Variants in GBE1 observed in about 807,000 individuals in gnomAD.
GBE1 encodes the protein 1,4-alpha-glucan branching enzyme 1, also known as 1,4-alpha-glucan-branching enzyme.
In GBE1, 70 loss-of-function variants were observed where a neutral mutation model predicts 88.8. That is an observed-to-expected ratio of 0.79 (90% CI 0.65 to 0.96). The LOEUF (loss-of-function observed/expected upper bound fraction) is 0.96, where lower values mean the gene tolerates loss of function less well. Among genes scored for constraint, GBE1 ranks in the 40% least tolerant of loss-of-function variants. The probability of loss-of-function intolerance (pLI) is 0.00; values close to 1 mark genes in which losing one functional copy is unlikely to be tolerated. For missense variants in GBE1, 872 were observed against 871.0 expected (o/e 1.00, Z -0.01); for synonymous variants, 284 against 300.1 (o/e 0.95, Z 0.56).
chr3:81,497,356 C>G (rs1370067084), intron 15 of GBE1, among the ~76,000 whole-genome samples: 1 of 152,150 alleles, frequency 6.6e-6, no homozygotes, highest in Non-Finnish European at 1.5e-5. Context: ...ATAATTGCCT[C>G]TCCATGACAA....
Position 81,705,583 on chromosome 3 carries a change from G to T in GBE1, c.174C>A (p.Asn58Lys). ...RYKQFSQILK[N>K]IGENEGGIDK... ...CAATACCACCTTCATTTTCTCCAAT[G>T]TTCTTCAAAATTTGGCTAAACTGCT... The change falls in exon 2 of 16, where the codon AAC (asparagine) becomes AAA (lysine). Residue 58 changes from asparagine (N) to lysine (K), a missense_variant. By Grantham distance (94) the Asn-to-Lys change is moderately conservative. Coordinates refer to ENST00000429644, the MANE Select transcript of GBE1 (RefSeq NM_000158.4). The T allele has an allele frequency of 6.4e-7, 1 of 1,570,186 alleles. No individual in the cohort carries two copies. Among genetic ancestry groups the T allele is most frequent in the Admixed American group, 1.9e-5 (1 of 53,500 alleles).
chr3:81,536,911 C>T lies in GBE1; in HGVS notation c.1803G>A (p.Gln601=), dbSNP rs368793136. The change falls in exon 13 of 16, where the codon CAG becomes CAA. Residue 601 remains glutamine (Q), a splice_region_variant and synonymous_variant. Coordinates refer to ENST00000429644, the MANE Select transcript of GBE1 (RefSeq NM_000158.4). ...ACAGCATCCAGAGTGAAGAGCTTAC[C>T]TGTGGAGCTGCAAGCCAACCATATC... is the stretch of plus-strand genomic sequence containing the variant. ...EERYGWLAAP[Q]AYVSEKHEGN... is the part of the protein sequence containing the mutation. 3.4e-4 allele frequency: 545 copies of T among 1,584,896 alleles called. 2 individuals are homozygous for T. The highest frequency in any genetic ancestry group is 4.6e-4 in the Non-Finnish European group (532 of 1,167,742).
At chr3:81,573,561 T>A (rs768160962) in intron 12 of GBE1, among the ~76,000 whole-genome samples, 5 of 152,236 alleles carry the variant, frequency 3.3e-5, no homozygotes, top group Non-Finnish European at 7.3e-5. Context: ...GGGCAAGAAC[T>A]ATTTTTCATC....
intron 7 of GBE1, among the ~76,000 whole-genome samples, chr3:81,623,131 G>T (rs941496069): frequency 6.6e-6 from 1 of 152,138 alleles, no homozygotes; most frequent in Admixed American, 6.6e-5. Flanking sequence ...GAAGAAAACT[G>T]AATCTCCTTA....
chr3:81,679,608 T>C (rs1396367321), intron 2 of GBE1, among the ~76,000 whole-genome samples: 1 of 152,240 alleles, frequency 6.6e-6, no homozygotes, highest in Non-Finnish European at 1.5e-5. Flanking sequence ...GAATCTTTCA[T>C]TATTGTTCTA....
intron 1 of GBE1, among the ~76,000 whole-genome samples, chr3:81,760,075 C>T (rs1207245354): frequency 1.3e-5 from 2 of 152,162 alleles, no homozygotes; most frequent in African/African-American, 4.8e-5. Flanking sequence ...CACTAAGTTT[C>T]TCTGAAAGCA....
intron 12 of GBE1, among the ~76,000 whole-genome samples, chr3:81,549,444 G>A (rs1215828461): frequency 2.6e-5 from 4 of 151,594 alleles, no homozygotes; most frequent in Admixed American, 2.0e-4. Flanking sequence ...CCAGAATGGT[G>A]TGCTTTCCTT....
chr3:81,617,337 G>A (rs760776893), intron 7 of GBE1, among the ~76,000 whole-genome samples: 20 of 151,968 alleles, frequency 1.3e-4, no homozygotes, highest in Admixed American at 3.9e-4. Flanking sequence ...GAATTTAGAC[G>A]TTAGCCACTA....
At chr3:81,552,779 T>C (rs138186015) in intron 12 of GBE1, among the ~76,000 whole-genome samples, 5 of 152,236 alleles carry the variant, frequency 3.3e-5, no homozygotes, top group African/African-American at 9.6e-5. Context: ...TTTAAATAAA[T>C]GAAATGTAAA....
At chr3:81,537,648 G>C (rs1202929322) in intron 12 of GBE1, among the ~76,000 whole-genome samples, 1 of 152,000 alleles carries the variant, frequency 6.6e-6, no homozygotes, top group Non-Finnish European at 1.5e-5. Flanking sequence ...TTAAAATCCA[G>C]TTTTTCCTAC....
intron 3 of GBE1, 21 bp from the exon 4 acceptor site, chr3:81,649,942 T>C (rs968889492): frequency 1.3e-6 from 2 of 1,587,410 alleles, no homozygotes; most frequent in Non-Finnish European, 1.7e-6. Flanking sequence ...AATGACATGT[T>C]ATTGCTTTAA....
chr3:81,593,551 T>C (rs1703910260), intron 8 of GBE1, among the ~76,000 whole-genome samples: 1 of 151,940 alleles, frequency 6.6e-6, no homozygotes, highest in Non-Finnish European at 1.5e-5. Context: ...ATACATATTT[T>C]ATTCAATGTG....
At position 81,502,884 on chromosome 3, in the gene GBE1, A is replaced by G. The variant is rs1185020403; in HGVS notation, c.1935-3657T>C. ...CAAAGCCAATGTATACTTATTTTAA[A>G]CTACCTTCGTTATATGGTTTCCAAT... On this transcript the variant is annotated intron_variant, in intron 14 of 15. Coordinates refer to ENST00000429644, the MANE Select transcript of GBE1 (RefSeq NM_000158.4). Among the ~76,000 whole-genome samples, 7 of 152,326 alleles carry G rather than the reference A, an allele frequency of 4.6e-5. No homozygotes were observed. In the East Asian group the frequency reaches 1.4e-3, roughly 29 times the overall value.
At chr3:81,506,769 G>A (rs1702659761) in intron 14 of GBE1, among the ~76,000 whole-genome samples, 1 of 152,122 alleles carries the variant, frequency 6.6e-6, no homozygotes, top group African/African-American at 2.4e-5. Flanking sequence ...TTCTTTGCAG[G>A]GACATGAATG....
Position 81,621,378 on chromosome 3 carries a change from T to C in GBE1, c.992+21403A>G, listed in dbSNP as rs867190845. ...TTTGGAAAAGTTAAGTATATGAAAA[T>C]GTAAGGGAAATGGAGAAACACCATT... On this transcript the variant is annotated intron_variant, in intron 7 of 15. Coordinates refer to ENST00000429644, the MANE Select transcript of GBE1 (RefSeq NM_000158.4). 3.9e-5 allele frequency among the ~76,000 whole-genome samples: 6 copies of C among 152,266 alleles called. 1 individual carries two copies. In the South Asian group the frequency reaches 8.3e-4, roughly 21 times the overall value.
intron 9 of GBE1, among the ~76,000 whole-genome samples, chr3:81,587,786 T>A (rs916623306): frequency 2.0e-5 from 3 of 152,074 alleles, no homozygotes; most frequent in Non-Finnish European, 2.9e-5. Context: ...AGACATAATA[T>A]CTGACTTTCA....
intron 7 of GBE1, chr3:81,612,423 G>T (rs1201964152): frequency 4.5e-6 from 4 of 898,280 alleles, no homozygotes; most frequent in Admixed American, 3.6e-5. Flanking sequence ...TCAAAGTAAG[G>T]ATTTTCATCA....
intron 7 of GBE1, among the ~76,000 whole-genome samples, chr3:81,608,130 A>G (rs1704127830): frequency 6.6e-6 from 1 of 152,174 alleles, no homozygotes; most frequent in South Asian, 2.1e-4. Context: ...TCAGCATGTC[A>G]CTATTCATAT....
chr3:81,568,280 T>C (rs1703524083), intron 12 of GBE1, among the ~76,000 whole-genome samples: 1 of 152,074 alleles, frequency 6.6e-6, no homozygotes, highest in Non-Finnish European at 1.5e-5. Context: ...CCCAAGTAGC[T>C]GAGACTACAG....
Sources: gnomAD v4.1 joint callset for allele counts (sites outside exome capture counted in the v4.1 genomes callset) on GRCh38, gnomAD v4.1.1 for gene constraint, MANE v1.5 for transcripts, NCBI Gene and HGNC (gene_info 2026-07-23, HGNC 2026-07-21) for gene names.